Variants in SHANK2 observed in about 807,000 individuals in gnomAD.
The protein encoded by SHANK2 is SH3 and multiple ankyrin repeat domains protein 2.
Under a neutral mutation model 133.7 loss-of-function variants are expected in SHANK2, and 43 were observed. The ratio of observed to expected loss-of-function variants is 0.32; its 90% CI spans 0.25 to 0.41. The LOEUF is 0.41. Ranked by LOEUF, SHANK2 falls within the 10% of genes least tolerant of loss-of-function variation. SHANK2 has a pLI of 1.00. For synonymous variants in SHANK2, 1,017 were observed against 952.8 expected, an observed-to-expected ratio of 1.07 and a Z score of -1.24; for missense variants, 1,994 against 2,235.8, an observed-to-expected ratio of 0.89 and a Z score of 2.18.
At chr11:70,638,412 A>G (rs577248548) in intron 17 of SHANK2, among the ~76,000 whole-genome samples, 1 of 152,282 alleles carries the variant, frequency 6.6e-6, no homozygotes, top group East Asian at 1.9e-4. Flanking sequence ...GGGAAAGCTG[A>G]GGGTCTGGGG....
intron 17 of SHANK2, among the ~76,000 whole-genome samples, chr11:70,516,811 G>A (rs1399459765): frequency 6.6e-6 from 1 of 152,198 alleles, no homozygotes; most frequent in African/African-American, 2.4e-5. Context: ...GCTCATGCTT[G>A]TAATCCCAGC....
At chr11:70,620,790 A>ACT (rs1267135228) in intron 17 of SHANK2, among the ~76,000 whole-genome samples, 1 of 150,762 alleles carries the variant, frequency 6.6e-6, no homozygotes, top group African/African-American at 2.4e-5. Context: ...TTTCACACAC[A>ACT]CTCTCTCTCT....
chr11:70,853,012 C>T (rs978185429), intron 11 of SHANK2, among the ~76,000 whole-genome samples: 2 of 151,640 alleles, frequency 1.3e-5, no homozygotes, highest in South Asian at 2.1e-4. Flanking sequence ...CAGAGCCCCA[C>T]AACCCTGCCC....
At chr11:70,512,823 C>T (rs1554969480) in intron 17 of SHANK2, among the ~76,000 whole-genome samples, 1 of 152,194 alleles carries the variant, frequency 6.6e-6, no homozygotes, top group Non-Finnish European at 1.5e-5. Context: ...TTGTAAAGGA[C>T]ATCCTCCAGT....
chr11:70,565,252 T>C (rs7931536), intron 17 of SHANK2, among the ~76,000 whole-genome samples: 4 of 88,802 alleles, frequency 4.5e-5, no homozygotes, highest in African/African-American at 8.2e-5. Flanking sequence ...TCCATCCATT[T>C]ATTTATTTTT....
chr11:70,939,409 C>G (rs1431604479), intron 10 of SHANK2, among the ~76,000 whole-genome samples: 1 of 152,048 alleles, frequency 6.6e-6, no homozygotes, highest in Non-Finnish European at 1.5e-5. Context: ...ACCTGGGTGG[C>G]GGAGGTTGCA....
intron 10 of SHANK2, among the ~76,000 whole-genome samples, chr11:70,905,439 C>A (rs782019464): frequency 6.6e-6 from 1 of 152,158 alleles, no homozygotes; most frequent in Non-Finnish European, 1.5e-5. Context: ...TTCTGAATGA[C>A]GAAATGACTC....
chr11:70,648,550 G>A (rs1459277761), intron 17 of SHANK2, among the ~76,000 whole-genome samples: 1 of 152,150 alleles, frequency 6.6e-6, no homozygotes, highest in Non-Finnish European at 1.5e-5. Context: ...CTGGCTATCA[G>A]GCAGATATGG....
intron 10 of SHANK2, among the ~76,000 whole-genome samples, chr11:70,949,936 G>T (rs374562400): frequency 3.9e-4 from 60 of 152,360 alleles, no homozygotes; most frequent in African/African-American, 1.4e-3. Context: ...GGCTCACAGC[G>T]CTGGTGGCCG....
At chr11:70,560,560 T>A (rs2059896515) in intron 17 of SHANK2, among the ~76,000 whole-genome samples, 1 of 145,068 alleles carries the variant, frequency 6.9e-6, no homozygotes, top group East Asian at 2.1e-4. Flanking sequence ...GCAAAATATC[T>A]AGAGTAAGCA....
chr11:71,194,014 CA>C (rs1953848003), intron 2 of SHANK2, among the ~76,000 whole-genome samples: 1 of 152,154 alleles, frequency 6.6e-6, no homozygotes, highest in South Asian at 2.1e-4. Flanking sequence ...GGACACAGTT[CA>C]GCCCACAGCA....
At chr11:70,629,681 A>T (rs2060956277) in intron 17 of SHANK2, among the ~76,000 whole-genome samples, 1 of 152,196 alleles carries the variant, frequency 6.6e-6, no homozygotes, top group African/African-American at 2.4e-5. Context: ...TGCTGCCGTC[A>T]GGAAGGTGCC....
intron 17 of SHANK2, among the ~76,000 whole-genome samples, chr11:70,504,770 C>T (rs1023099337): frequency 7.3e-5 from 11 of 151,570 alleles, no homozygotes; most frequent in Admixed American, 1.3e-4. Flanking sequence ...GTAAAGGAGC[C>T]GGATCGAGGA....
At chr11:70,608,957 T>C (rs1208025730) in intron 17 of SHANK2, among the ~76,000 whole-genome samples, 4 of 152,244 alleles carry the variant, frequency 2.6e-5, no homozygotes, top group Non-Finnish European at 5.9e-5. Flanking sequence ...TTAATTTCAC[T>C]GCTCAGAGAG....
intron 9 of SHANK2, among the ~76,000 whole-genome samples, chr11:71,068,382 T>C (rs1951096429): frequency 6.6e-6 from 1 of 152,194 alleles, no homozygotes; most frequent in Non-Finnish European, 1.5e-5. Flanking sequence ...TCAAGGGCTG[T>C]AAGACTCATC....
chr11:70,476,019 C>T (rs1340571819), intron 25 of SHANK2, among the ~76,000 whole-genome samples: 3 of 151,548 alleles, frequency 2.0e-5, no homozygotes, highest in Non-Finnish European at 2.9e-5. Flanking sequence ...GTCAGGGGTT[C>T]GAGACCAGCC....
intron 21 of SHANK2, among the ~76,000 whole-genome samples, chr11:70,499,909 A>C (rs1591507704): frequency 6.6e-6 from 1 of 152,226 alleles, no homozygotes; most frequent in Non-Finnish European, 1.5e-5. Context: ...CAAGGGATTA[A>C]TTAAAAGCTG....
At chr11:71,151,243 TC>T (rs1952791573) in intron 2 of SHANK2, among the ~76,000 whole-genome samples, 3 of 151,302 alleles carry the variant, frequency 2.0e-5, no homozygotes, top group Admixed American at 1.3e-4. Flanking sequence ...TTCAGGAACC[TC>T]CCGGGGAGGC....
intron 8 of SHANK2, among the ~76,000 whole-genome samples, chr11:71,089,811 G>T (rs933402998): frequency 0.03 from 4,606 of 152,312 alleles, 244 homozygotes; most frequent in African/African-American, 0.11. Flanking sequence ...GCTCAGAAGG[G>T]CCAGGCCTGA....
Sources: allele counts gnomAD v4.1 joint callset (sites outside exome capture counted in the v4.1 genomes callset), GRCh38; gene constraint gnomAD v4.1.1; transcripts MANE v1.5; gene names NCBI Gene and HGNC (gene_info 2026-07-23, HGNC 2026-07-21).